MYT1L: variants seen among roughly 807,000 people sequenced by gnomAD.
The protein encoded by MYT1L is myelin transcription factor 1-like protein.
In MYT1L, 12 loss-of-function variants were observed where a neutral mutation model predicts 126.7. That is an observed-to-expected ratio of 0.09 (90% CI 0.06 to 0.15). The LOEUF is 0.15. Among genes scored for constraint, MYT1L ranks in the 10% least tolerant of loss-of-function variants. MYT1L has a pLI of 1.00. For synonymous variants in MYT1L, 541 were observed against 604.2 expected (o/e 0.90, Z 1.53); for missense variants, 979 against 1,585.2 (o/e 0.62, Z 6.49).
rs565189023 is a variant in MYT1L, at chr2:2,255,934, T to A, written c.-421+28470A>T. On this transcript the variant is annotated intron_variant, in intron 2 of 24. Transcript: ENST00000647738. ...TTACCCTTTACTGAGTCTGAATTAATTCATGGCAACAGCCTTGCTTTGCTC... is the reference window on the plus strand; with the variant it reads ...TTACCCTTTACTGAGTCTGAATTAAATCATGGCAACAGCCTTGCTTTGCTC... Among the ~76,000 whole-genome samples the A allele has an allele frequency of 9.2e-5, 14 of 152,322 alleles. No individual in the cohort carries two copies. The East Asian group carries it at 1.4e-3, about 15-fold the overall frequency.
chr2:2,234,400 G>A (rs531512977), intron 2 of MYT1L, among the ~76,000 whole-genome samples: 48 of 152,310 alleles, frequency 3.2e-4, no homozygotes, highest in East Asian at 7.7e-4. Flanking sequence ...AAGTTTCTGC[G>A]ATTGTACAAA....
At chr2:2,277,205 C>T (rs1028046383) in intron 2 of MYT1L, among the ~76,000 whole-genome samples, 3 of 152,048 alleles carry the variant, frequency 2.0e-5, no homozygotes, top group Non-Finnish European at 4.4e-5. Context: ...CTCCTGACCT[C>T]GTGATCCATC....
At chr2:2,295,647 T>C (rs13002266) in intron 1 of MYT1L, among the ~76,000 whole-genome samples, 20 of 21,704 alleles carry the variant, frequency 9.2e-4, no homozygotes, top group African/African-American at 3.4e-3. Context: ...GAGAGAGAGA[T>C]AGAGAGACAG....
intron 1 of MYT1L, among the ~76,000 whole-genome samples, chr2:2,298,000 T>C (rs55976938): frequency 0.044 from 6,773 of 152,276 alleles, 314 homozygotes; most frequent in African/African-American, 0.12. Context: ...GGGTTAATTC[T>C]AGAAGGAAAC....
At chr2:2,164,885 T>C (rs1475414199) in intron 3 of MYT1L, among the ~76,000 whole-genome samples, 1 of 152,200 alleles carries the variant, frequency 6.6e-6, no homozygotes, top group Admixed American at 6.5e-5. Context: ...TTTTCATGAA[T>C]TGGACATGGA....
intron 20 of MYT1L, 82 bp downstream of exon 20, chr2:1,840,678 T>G: frequency 1.0e-6 from 1 of 999,244 alleles, no homozygotes; most frequent in Non-Finnish European, 1.5e-6. Flanking sequence ...CTTTTTCTTG[T>G]TGACATATAC....
chr2:1,866,289 A>C (rs971265094), intron 18 of MYT1L, among the ~76,000 whole-genome samples: 2 of 152,126 alleles, frequency 1.3e-5, no homozygotes, highest in Admixed American at 1.3e-4. Flanking sequence ...GAGTGGACAA[A>C]GGATCAAGGC....
Position 2,140,977 on chromosome 2 carries a change from G to C in MYT1L, c.-304+31895C>G, listed in dbSNP as rs78882451. On this transcript the variant is annotated intron_variant, in intron 3 of 24. Coordinates refer to ENST00000647738, the MANE Select transcript of MYT1L (RefSeq NM_001303052.2). Reference sequence around the variant, plus strand: ...ATTAACCCAAAACTATATAATCATAGAAATTTCACTGTCTTTAAAAATGTC... The same window carrying C: ...ATTAACCCAAAACTATATAATCATACAAATTTCACTGTCTTTAAAAATGTC... Among the ~76,000 whole-genome samples the C allele has an allele frequency of 6.2e-3, 949 of 152,186 alleles. 10 individuals carry two copies. Among genetic ancestry groups the C allele is most frequent in the African/African-American group, 0.022 (893 of 41,526 alleles).
intron 8 of MYT1L, among the ~76,000 whole-genome samples, chr2:1,948,022 G>A (rs924659533): frequency 6.6e-6 from 1 of 152,222 alleles, no homozygotes; most frequent in Non-Finnish European, 1.5e-5. Context: ...TTTACCTATC[G>A]ATGTGATAGA....
chr2:2,166,890 G>C (rs1216310938), intron 3 of MYT1L, among the ~76,000 whole-genome samples: 2 of 152,040 alleles, frequency 1.3e-5, no homozygotes, highest in African/African-American at 4.8e-5. Flanking sequence ...CTTCTCTTCT[G>C]CATCCTGCTT....
intron 3 of MYT1L, among the ~76,000 whole-genome samples, chr2:2,115,974 C>T (rs897638821): frequency 4.9e-5 from 7 of 142,186 alleles, no homozygotes; most frequent in African/African-American, 1.1e-4. Flanking sequence ...GTCCAGTCGA[C>T]GAAAACAGGA....
At chr2:1,858,365 A>ATCTGACTGC (rs2044171839) in intron 18 of MYT1L, among the ~76,000 whole-genome samples, 3 of 151,648 alleles carry the variant, frequency 2.0e-5, no homozygotes, top group Admixed American at 6.6e-5. Flanking sequence ...GATCCTCTGC[A>ATCTGACTGC]TCCGACTGCT....
At chr2:1,851,957 T>C (rs2043324328) in intron 18 of MYT1L, among the ~76,000 whole-genome samples, 1 of 152,134 alleles carries the variant, frequency 6.6e-6, no homozygotes, top group South Asian at 2.1e-4. Context: ...TTTTGGTCCC[T>C]AGGCTGCTCA....
chr2:2,128,303 C>T (rs959096569), intron 3 of MYT1L, among the ~76,000 whole-genome samples: 5 of 152,098 alleles, frequency 3.3e-5, no homozygotes, highest in African/African-American at 7.2e-5. Flanking sequence ...CCCAACACCA[C>T]GCCTGGCTAA....
chr2:2,195,090 G>A (rs2092740418), intron 2 of MYT1L, among the ~76,000 whole-genome samples: 1 of 152,238 alleles, frequency 6.6e-6, no homozygotes, highest in South Asian at 2.1e-4. Context: ...GTGGGAATCA[G>A]TCATGATGTG....
At chr2:1,854,952 ACCAG>A (rs1405222989) in intron 18 of MYT1L, among the ~76,000 whole-genome samples, 6 of 152,136 alleles carry the variant, frequency 3.9e-5, no homozygotes, top group African/African-American at 1.2e-4. Context: ...CCCTGAGATA[ACCAG>A]CCCCCGGTTT....
intron 3 of MYT1L, among the ~76,000 whole-genome samples, chr2:2,117,186 T>C (rs1398094706): frequency 6.6e-6 from 1 of 152,214 alleles, no homozygotes; most frequent in Non-Finnish European, 1.5e-5. Context: ...TTTCCCGTCA[T>C]TGATGTCTTT....
At chr2:2,083,862 G>A (rs1391276973) in intron 3 of MYT1L, among the ~76,000 whole-genome samples, 1 of 151,432 alleles carries the variant, frequency 6.6e-6, no homozygotes, top group Non-Finnish European at 1.5e-5. Context: ...TTAGAGGGGA[G>A]GGAGACCACT....
rs112631120 is a variant in MYT1L, at chr2:2,269,834, T to C, written c.-421+14570A>G. ...AGTGGGTCCATTTGCATAAATTCAA[T>C]CCTCTTTGATTCTCCCAGCCAGAAT... On this transcript the variant is annotated intron_variant, in intron 2 of 24. Coordinates refer to ENST00000647738, the MANE Select transcript of MYT1L (RefSeq NM_001303052.2). 4.2e-3 allele frequency among the ~76,000 whole-genome samples: 633 copies of C among 152,318 alleles called. 3 individuals are homozygous for C. Among genetic ancestry groups the C allele is most frequent in the African/African-American group, 0.014 (600 of 41,578 alleles).
Sources: gnomAD v4.1 joint callset for allele counts (sites outside exome capture counted in the v4.1 genomes callset) on GRCh38, gnomAD v4.1.1 for gene constraint, MANE v1.5 for transcripts, NCBI Gene and HGNC (gene_info 2026-07-23, HGNC 2026-07-21) for gene names.